Variants in FOXP2 observed in about 807,000 individuals in gnomAD.
The protein encoded by FOXP2 is forkhead box P2.
A neutral mutation model predicts 115.8 loss-of-function variants in FOXP2; 12 were observed. That is an observed-to-expected ratio of 0.10 (90% CI 0.07 to 0.17). The LOEUF is 0.17. Ranked by LOEUF, FOXP2 falls within the 10% of genes least tolerant of loss-of-function variation. The pLI, the probability that FOXP2 is intolerant of heterozygous loss-of-function variation, is 1.00. For missense variants in FOXP2, 629 were observed against 843.5 expected (o/e 0.75, Z 3.15); for synonymous variants, 328 against 297.7 (o/e 1.10, Z -1.05).
At chr7:114,099,313 C>A (rs1799723081) in intron 1 of FOXP2, among the ~76,000 whole-genome samples, 1 of 152,114 alleles carries the variant, frequency 6.6e-6, no homozygotes, top group African/African-American at 2.4e-5. Context: ...CAAATCAGAA[C>A]CACTGTGAGG....
At chr7:114,334,527 T>G (rs1172243465) in intron 2 of FOXP2, among the ~76,000 whole-genome samples, 3 of 151,816 alleles carry the variant, frequency 2.0e-5, no homozygotes, top group Admixed American at 6.6e-5. Flanking sequence ...ATGTTGAAAT[T>G]TAAAGAAATA....
At position 114,356,473 on chromosome 7, in the gene FOXP2, T is replaced by C. The variant is rs567333936; in HGVS notation, c.-11+68364T>C. Among the ~76,000 whole-genome samples the C allele has an allele frequency of 5.3e-5, 8 of 152,274 alleles. No individual in the cohort carries two copies. In the South Asian group the frequency reaches 1.7e-3, roughly 32 times the overall value. On this transcript the variant is annotated intron_variant, in intron 2 of 17. Transcript: ENST00000634411. Reference sequence around the variant, plus strand: ...TAAAATTGAGAAATTAAATGAGGATTCCAGGAAATAGCACCTCACAGAAAT... The same window carrying C: ...TAAAATTGAGAAATTAAATGAGGATCCCAGGAAATAGCACCTCACAGAAAT...
At chr7:114,238,875 A>G (rs559085315) in intron 1 of FOXP2, among the ~76,000 whole-genome samples, 33 of 151,168 alleles carry the variant, frequency 2.2e-4, no homozygotes, top group African/African-American at 7.5e-4. Context: ...TGGAAAATTT[A>G]TGTTATATTT....
chr7:114,102,711 C>CAA (rs1356376948), intron 1 of FOXP2, among the ~76,000 whole-genome samples: 6 of 150,706 alleles, frequency 4.0e-5, no homozygotes, highest in Admixed American at 4.0e-4. Flanking sequence ...CACACACACA[C>CAA]ACACACACAC....
intron 2 of FOXP2, among the ~76,000 whole-genome samples, chr7:114,460,268 G>C (rs934997706): frequency 1.3e-5 from 2 of 152,128 alleles, no homozygotes; most frequent in African/African-American, 4.8e-5. Context: ...CAGTAAGTAA[G>C]TTAGGTTTGT....
chr7:114,600,555 G>A (rs1420606978), intron 3 of FOXP2, among the ~76,000 whole-genome samples: 3 of 152,142 alleles, frequency 2.0e-5, no homozygotes, highest in African/African-American at 7.2e-5. Context: ...GGATCATATG[G>A]TAAGACTATG....
intron 2 of FOXP2, among the ~76,000 whole-genome samples, chr7:114,457,725 C>T (rs1346633156): frequency 8.6e-5 from 13 of 151,914 alleles, no homozygotes; most frequent in African/African-American, 1.9e-4. Flanking sequence ...GGTGAAACCC[C>T]GTCTCTACTA....
chr7:114,595,518 C>T (rs1442001528), intron 3 of FOXP2, among the ~76,000 whole-genome samples: 2 of 151,878 alleles, frequency 1.3e-5, no homozygotes, highest in Non-Finnish European at 2.9e-5. Flanking sequence ...ATGATAAAAG[C>T]AAAAGCAGAG....
intron 2 of FOXP2, among the ~76,000 whole-genome samples, chr7:114,494,086 T>C (rs1797196228): frequency 6.6e-6 from 1 of 151,970 alleles, no homozygotes. Flanking sequence ...ACTTTTTAAT[T>C]ATTACTTTTT....
At chr7:114,664,863 A>C (rs750987690) in intron 16 of FOXP2, 11 of 199,560 alleles carry the variant, frequency 5.5e-5, no homozygotes, top group Non-Finnish European at 1.1e-4. Flanking sequence ...CGTTTTTATA[A>C]ACCGTAAAAT....
At chr7:114,681,585 A>G (rs1003434529) in intron 16 of FOXP2, among the ~76,000 whole-genome samples, 2 of 152,178 alleles carry the variant, frequency 1.3e-5, no homozygotes, top group Non-Finnish European at 2.9e-5. Flanking sequence ...CTATGTACAG[A>G]GCATTTCAAT....
intron 8 of FOXP2, among the ~76,000 whole-genome samples, chr7:114,649,134 C>A (rs1806088720): frequency 1.3e-5 from 2 of 151,898 alleles, no homozygotes; most frequent in Non-Finnish European, 2.9e-5. Flanking sequence ...CCTTTGCCAT[C>A]AGAAAAAGTA....
At chr7:114,689,109 C>T (rs771594742) in intron 16 of FOXP2, among the ~76,000 whole-genome samples, 2 of 151,990 alleles carry the variant, frequency 1.3e-5, no homozygotes, top group Non-Finnish European at 2.9e-5. Flanking sequence ...TCAGCATATA[C>T]GTTGTTTAAG....
intron 3 of FOXP2, among the ~76,000 whole-genome samples, chr7:114,541,553 T>C (rs928799054): frequency 2.6e-5 from 4 of 152,130 alleles, no homozygotes; most frequent in Non-Finnish European, 2.9e-5. Flanking sequence ...TCATCATTCA[T>C]CAGTAACTCT....
intron 1 of FOXP2, among the ~76,000 whole-genome samples, chr7:114,153,033 T>G (rs2129149095): frequency 6.6e-6 from 1 of 152,268 alleles, no homozygotes; most frequent in Non-Finnish European, 1.5e-5. Flanking sequence ...AAAAGTATTA[T>G]TTGTTTATAG....
intron 2 of FOXP2, among the ~76,000 whole-genome samples, chr7:114,486,378 C>A (rs1401137112): frequency 6.6e-6 from 1 of 152,104 alleles, no homozygotes; most frequent in African/African-American, 2.4e-5. Flanking sequence ...ACTTACTTAC[C>A]CCCACCAGTT....
chr7:114,194,657 C>A (rs1181694993), intron 1 of FOXP2, among the ~76,000 whole-genome samples: 1 of 151,930 alleles, frequency 6.6e-6, no homozygotes, highest in Non-Finnish European at 1.5e-5. Context: ...TTGCCACTAG[C>A]TTTTTGTTTT....
chr7:114,261,136 A>T (rs997229655), intron 1 of FOXP2, among the ~76,000 whole-genome samples: 9 of 152,178 alleles, frequency 5.9e-5, no homozygotes, highest in African/African-American at 2.2e-4. Context: ...ATGTACTTTC[A>T]ATAAAAAGGA....
At chr7:114,407,364 A>G (rs1451588578) in intron 2 of FOXP2, among the ~76,000 whole-genome samples, 1 of 152,086 alleles carries the variant, frequency 6.6e-6, no homozygotes, top group Non-Finnish European at 1.5e-5. Flanking sequence ...AGAAAATAGC[A>G]ACGCATTTCC....
Sources: gnomAD v4.1 joint callset for allele counts (sites outside exome capture counted in the v4.1 genomes callset) on GRCh38, gnomAD v4.1.1 for gene constraint, MANE v1.5 for transcripts, NCBI Gene and HGNC (gene_info 2026-07-23, HGNC 2026-07-21) for gene names.